TOX: variants seen among roughly 807,000 people sequenced by gnomAD.
TOX encodes thymocyte selection-associated high mobility group box protein TOX.
TOX carries 11 observed loss-of-function variants against 53.7 expected under a neutral mutation model. The ratio of observed to expected loss-of-function variants is 0.20; its 90% CI spans 0.13 to 0.34. The LOEUF is 0.34. Among genes scored for constraint, TOX ranks in the 10% least tolerant of loss-of-function variants. TOX has a pLI of 1.00. For synonymous variants in TOX, 225 were observed against 245.3 expected, an observed-to-expected ratio of 0.92 and a Z score of 0.77; for missense variants, 570 against 664.6, an observed-to-expected ratio of 0.86 and a Z score of 1.56.
chr8:59,033,851 C>A (rs1426076756), intron 1 of TOX, among the ~76,000 whole-genome samples: 1 of 152,208 alleles, frequency 6.6e-6, no homozygotes, highest in Non-Finnish European at 1.5e-5. Context: ...GTAGCAAGAA[C>A]ATGTGGGGCT....
intron 2 of TOX, among the ~76,000 whole-genome samples, chr8:58,955,036 C>T (rs1375979978): frequency 6.6e-6 from 1 of 152,142 alleles, no homozygotes; most frequent in Non-Finnish European, 1.5e-5. Context: ...GAAAGCTGTC[C>T]TGGATATATA....
intron 1 of TOX, among the ~76,000 whole-genome samples, chr8:59,094,536 T>G (rs2162815): frequency 0.09 from 13,711 of 151,656 alleles, 879 homozygotes; most frequent in African/African-American, 0.18. Context: ...ATAATTACTG[T>G]TTTTGAAAGA....
intron 3 of TOX, among the ~76,000 whole-genome samples, chr8:58,908,947 T>G (rs1811865673): frequency 6.6e-6 from 1 of 152,238 alleles, no homozygotes; most frequent in African/African-American, 2.4e-5. Context: ...CTTGTTTTAA[T>G]CATTTTGTTT....
At chr8:59,005,655 AT>A (rs548184921) in intron 1 of TOX, among the ~76,000 whole-genome samples, 2 of 152,102 alleles carry the variant, frequency 1.3e-5, no homozygotes, top group South Asian at 4.2e-4. Context: ...GTTTAACTTT[AT>A]TTTTTTTAAT....
chr8:58,928,701 A>G (rs955893882), intron 3 of TOX, among the ~76,000 whole-genome samples: 2 of 152,164 alleles, frequency 1.3e-5, no homozygotes, highest in African/African-American at 2.4e-5. Context: ...TTGTCTCTTG[A>G]TAGCCTTAAT....
chr8:58,970,234 C>A (rs1178393823), intron 1 of TOX, among the ~76,000 whole-genome samples: 1 of 152,150 alleles, frequency 6.6e-6, no homozygotes, highest in Non-Finnish European at 1.5e-5. Flanking sequence ...ATATTTCCGA[C>A]ATCACTCCTG....
chr8:58,814,911 G>A (rs554756552), intron 7 of TOX, among the ~76,000 whole-genome samples: 22 of 152,276 alleles, frequency 1.4e-4, no homozygotes, highest in East Asian at 1.9e-4. Flanking sequence ...GACTCAAGAG[G>A]CATACCAGTC....
At chr8:58,864,506 T>G (rs1456061516) in intron 3 of TOX, among the ~76,000 whole-genome samples, 1 of 152,206 alleles carries the variant, frequency 6.6e-6, no homozygotes, top group Non-Finnish European at 1.5e-5. Context: ...AACTTGGGTT[T>G]TTTCATTGGG....
At chr8:58,921,366 G>A (rs1304688239) in intron 3 of TOX, among the ~76,000 whole-genome samples, 1 of 152,244 alleles carries the variant, frequency 6.6e-6, no homozygotes, top group African/African-American at 2.4e-5. Flanking sequence ...AGATAGGAAC[G>A]AATCGGATCC....
At chr8:59,004,786 C>T (rs1169313674) in intron 1 of TOX, among the ~76,000 whole-genome samples, 1 of 152,136 alleles carries the variant, frequency 6.6e-6, no homozygotes, top group Non-Finnish European at 1.5e-5. Flanking sequence ...CACTAAACAA[C>T]ATAGTAAATA....
chr8:58,864,733 G>A (rs1261800851), intron 3 of TOX, among the ~76,000 whole-genome samples: 1 of 152,132 alleles, frequency 6.6e-6, no homozygotes, highest in Non-Finnish European at 1.5e-5. Context: ...AAGAATGAAA[G>A]CAAAACACTC....
At position 58,946,472 on chromosome 8, in the gene TOX, G is replaced by A. The variant is rs373304796; in HGVS notation, c.169-6928C>T. On this transcript the variant is annotated intron_variant, in intron 2 of 8. Coordinates refer to ENST00000361421, the MANE Select transcript of TOX (RefSeq NM_014729.3). The stretch of plus-strand genomic sequence containing the variant: ...GCTTGGGACTATAATGTATTACTGT[G>A]GAAAGCTTCGGTCTGTTCCATAAAT... 1.1e-3 allele frequency among the ~76,000 whole-genome samples: 165 copies of A among 152,226 alleles called. 2 individuals carry two copies. The highest frequency in any genetic ancestry group is 3.8e-3 in the African/African-American group (157 of 41,546).
chr8:58,973,199 T>G (rs773167714), intron 1 of TOX, among the ~76,000 whole-genome samples: 10 of 152,238 alleles, frequency 6.6e-5, no homozygotes, highest in African/African-American at 1.2e-4. Flanking sequence ...CAAAGCTCTT[T>G]AGATGCACGA....
chr8:58,901,303 T>G (rs1340022265), intron 3 of TOX, among the ~76,000 whole-genome samples: 1 of 152,192 alleles, frequency 6.6e-6, no homozygotes, highest in Non-Finnish European at 1.5e-5. Flanking sequence ...AACAGGCTAA[T>G]GCTCAGAGAA....
chr8:59,047,456 T>A (rs974656821), intron 1 of TOX, among the ~76,000 whole-genome samples: 13 of 151,836 alleles, frequency 8.6e-5, no homozygotes, highest in African/African-American at 2.9e-4. Context: ...CTCGATCTCC[T>A]GACCTCGTGA....
At chr8:59,001,811 GA>G (rs934006064) in intron 1 of TOX, among the ~76,000 whole-genome samples, 1 of 151,502 alleles carries the variant, frequency 6.6e-6, no homozygotes, top group African/African-American at 2.4e-5. Flanking sequence ...GCAAAACAAA[GA>G]AAAAAACAAA....
At position 59,117,374 on chromosome 8, in the gene TOX, G is replaced by A. The variant is rs1243219780; in HGVS notation, c.102+1512C>T. 1.3e-5 allele frequency among the ~76,000 whole-genome samples: 2 copies of A among 152,142 alleles called. No homozygotes were observed. Among genetic ancestry groups the A allele is most frequent in the Non-Finnish European group, 2.9e-5 (2 of 68,030 alleles). ...GTTCCCCGTACCTTTCAACTTGCCC[G>A]TAGCTGAAGGGCTCCCTGTACAATG... On this transcript the variant is annotated intron_variant, in intron 1 of 8. Coordinates refer to ENST00000361421, the MANE Select transcript of TOX (RefSeq NM_014729.3). The surrounding 1 kb of genome is among the most constrained non-coding windows in gnomAD (Gnocchi z 4.6).
intron 3 of TOX, among the ~76,000 whole-genome samples, chr8:58,887,919 T>C (rs541957192): frequency 1.4e-4 from 21 of 152,192 alleles, no homozygotes; most frequent in African/African-American, 5.1e-4. Flanking sequence ...AATTGTGTTC[T>C]TAGGTGATTT....
intron 3 of TOX, among the ~76,000 whole-genome samples, chr8:58,895,611 T>C (rs1811631111): frequency 6.6e-6 from 1 of 152,204 alleles, no homozygotes; most frequent in South Asian, 2.1e-4. Context: ...CAAAATCTGA[T>C]AGGACTGAAT....
Sources: gnomAD v4.1 joint callset for allele counts (sites outside exome capture counted in the v4.1 genomes callset) on GRCh38, gnomAD v4.1.1 for gene constraint, Gnocchi (gnomAD v3.1) non-coding constraint, MANE v1.5 for transcripts, NCBI Gene and HGNC (gene_info 2026-07-23, HGNC 2026-07-21) for gene names.